Variants in SLC36A2 observed in about 807,000 individuals in gnomAD.
SLC36A2 encodes proton-coupled amino acid transporter 2.
Under a neutral mutation model 42.7 loss-of-function variants are expected in SLC36A2, and 39 were observed. The ratio of observed to expected loss-of-function variants is 0.91; its 90% CI spans 0.71 to 1.19. The LOEUF is 1.19. SLC36A2 is among the 50% of genes most tolerant of loss of function. SLC36A2 has a pLI of 0.00. For missense variants in SLC36A2, 590 were observed against 613.7 expected, an observed-to-expected ratio of 0.96 and a Z score of 0.41; for synonymous variants, 237 against 240.8, an observed-to-expected ratio of 0.98 and a Z score of 0.15.
chr5:151,341,399 CA>C (rs1756341450), intron 4 of SLC36A2, among the ~76,000 whole-genome samples: 1 of 152,138 alleles, frequency 6.6e-6, no homozygotes, highest in African/African-American at 2.4e-5. Flanking sequence ...TGATACCATA[CA>C]GACTACCTGC....
chr5:151,334,252 G>A lies in SLC36A2; in HGVS notation c.745-930C>T, dbSNP rs78209890. ...GGCTGATCTGCAGTTATTCTAAAATGTTTGACTATTATTTTTACTAAATTT... is the reference window on the plus strand; with the variant it reads ...GGCTGATCTGCAGTTATTCTAAAATATTTGACTATTATTTTTACTAAATTT... On this transcript the variant is annotated intron_variant, in intron 6 of 9. Transcript: ENST00000335244. Among the ~76,000 whole-genome samples the A allele has an allele frequency of 2.1e-3, 313 of 152,248 alleles. 1 individual carries two copies. The highest frequency in any genetic ancestry group is 3.3e-3 in the Non-Finnish European group (226 of 68,028).
chr5:151,343,084 G>C (rs1311608918), intron 3 of SLC36A2, 101 bp from the exon 4 acceptor site: 5 of 935,524 alleles, frequency 5.3e-6, no homozygotes, highest in Non-Finnish European at 8.6e-6. Flanking sequence ...CACAGCTAAA[G>C]AGCAGAAAGA....
rs1756431934 is a variant in SLC36A2, at chr5:151,344,278, G to A, written c.165-11C>T. 1.2e-6 allele frequency: 2 copies of A among 1,607,524 alleles called. No homozygotes were observed. The highest frequency in any genetic ancestry group is 1.3e-5 in the African/African-American group (1 of 74,824). On this transcript the variant is annotated splice_polypyrimidine_tract_variant and intron_variant, in intron 1 of 9. Transcript: ENST00000335244. ...AAGGCCTGGAACACTCTAAAGGAGA[G>A]GAAGGAGATGTGAAGTATGGGTGTG...
Position 151,322,026 on chromosome 5 carries a change from G to T in SLC36A2, c.1180+20C>A. On this transcript the variant is annotated intron_variant, in intron 9 of 9. Transcript: ENST00000335244. ...CTCAGAAAAGATCAGCAGGAACACT[G>T]CACTCTCCTTTCTACTCACATGTCA... 6.2e-6 allele frequency: 10 copies of T among 1,613,934 alleles called. No homozygotes were observed. Among genetic ancestry groups the T allele is most frequent in the Non-Finnish European group, 8.5e-6 (10 of 1,179,856 alleles).
chr5:151,335,230 A>T, intron 6 of SLC36A2, 99 bp downstream of exon 6: 1 of 826,566 alleles, frequency 1.2e-6, no homozygotes, highest in Non-Finnish European at 2.0e-6. Flanking sequence ...TAACACTCTT[A>T]CCCACCTACA....
chr5:151,325,571 G>T, intron 7 of SLC36A2, 119 bp from the exon 8 acceptor site: 1 of 1,054,824 alleles, frequency 9.5e-7, no homozygotes, highest in Non-Finnish European at 1.4e-6. Flanking sequence ...AGAGATATTT[G>T]TACACTTATG....
At chr5:151,339,384 G>A (rs939491075) in intron 4 of SLC36A2, among the ~76,000 whole-genome samples, 1 of 150,908 alleles carries the variant, frequency 6.6e-6, no homozygotes, top group Non-Finnish European at 1.5e-5. Flanking sequence ...GTGGGATCTC[G>A]GCTCACCACA....
At chr5:151,326,023 G>A (rs985365312) in intron 7 of SLC36A2, among the ~76,000 whole-genome samples, 11 of 152,096 alleles carry the variant, frequency 7.2e-5, no homozygotes, top group South Asian at 4.1e-4. Flanking sequence ...TATGTTAGGT[G>A]TGCTTCAATT....
Position 151,324,493 on chromosome 5 carries a change from C to T in SLC36A2, c.1010+793G>A, listed in dbSNP as rs192892979. On this transcript the variant is annotated intron_variant, in intron 8 of 9. Transcript: ENST00000335244. ...GATTACAGGCACCCACCACCATGCC[C>T]GGCTAATTTTGTATTATTAGTAGAG... Among the ~76,000 whole-genome samples the T allele has an allele frequency of 2.2e-3, 329 of 152,224 alleles. 1 individual carries two copies. Among genetic ancestry groups the T allele is most frequent in the African/African-American group, 7.4e-3 (307 of 41,528 alleles).
intron 4 of SLC36A2, 136 bp from the exon 5 acceptor site, chr5:151,339,280 A>G (rs934987005): frequency 8.0e-6 from 5 of 621,270 alleles, no homozygotes; most frequent in Admixed American, 2.2e-5. Flanking sequence ...TTCCACCACA[A>G]TCAACAATGG....
Position 151,339,048 on chromosome 5 carries a change from A to G in SLC36A2, c.525+12T>C. 6.3e-7 allele frequency: 1 copy of G among 1,599,684 alleles called. No individual in the cohort carries two copies. Among genetic ancestry groups the G allele is most frequent in the Non-Finnish European group, 8.6e-7 (1 of 1,168,556 alleles). On this transcript the variant is annotated intron_variant, in intron 5 of 9. Transcript: ENST00000335244. ...CATCTTTTCCCCTCCCGTTTTCTCT[A>G]GAAGCCTCTACCTGTTTTAAATTAT...
chr5:151,320,596 A>G (rs1755657751), intron 9 of SLC36A2, among the ~76,000 whole-genome samples: 1 of 152,122 alleles, frequency 6.6e-6, no homozygotes, highest in Admixed American at 6.5e-5. Context: ...CTGGTGGAAT[A>G]CTTGCAGAAA....
At chr5:151,337,522 A>T (rs1388322537) in intron 5 of SLC36A2, among the ~76,000 whole-genome samples, 2 of 152,230 alleles carry the variant, frequency 1.3e-5, no homozygotes, top group Non-Finnish European at 2.9e-5. Flanking sequence ...ATAAATGCAG[A>T]TGATAAATAA....
At chr5:151,340,609 G>A (rs1466173819) in intron 4 of SLC36A2, among the ~76,000 whole-genome samples, 1 of 152,174 alleles carries the variant, frequency 6.6e-6, no homozygotes, top group East Asian at 1.9e-4. Flanking sequence ...GAAACTAGGG[G>A]GAAAGAGGTT....
At chr5:151,341,049 G>A (rs538533316) in intron 4 of SLC36A2, among the ~76,000 whole-genome samples, 2 of 152,212 alleles carry the variant, frequency 1.3e-5, no homozygotes, top group African/African-American at 4.8e-5. Flanking sequence ...TGCAGAATGT[G>A]CACTTTTGTT....
chr5:151,327,884 A>T (rs1755895716), intron 7 of SLC36A2, among the ~76,000 whole-genome samples: 1 of 152,152 alleles, frequency 6.6e-6, no homozygotes. Context: ...CTAGCTGGTG[A>T]TCTAACTGAA....
rs917432132 is a variant in SLC36A2, at chr5:151,342,937, G to A, written c.391C>T (p.Leu131=). 7 of 1,614,036 alleles carry A rather than the reference G, an allele frequency of 4.3e-6. No homozygotes were observed. The Admixed American group carries it at 1.0e-4, about 23-fold the overall frequency. Residue 131 remains leucine, a synonymous_variant, in exon 4 of 10, where the codon CTA becomes TTA. Coordinates refer to ENST00000335244, the MANE Select transcript of SLC36A2 (RefSeq NM_181776.3). ...AGCCAGGCGTTGGGGTTGGCTTCTA[G>A]TCCATGCATCACCGTGTCCCCATAG... ...MDYGDTVMHG[L]EANPNAWLQN...
At chr5:151,340,191 TGGAGGA>T (rs1276868875) in intron 4 of SLC36A2, among the ~76,000 whole-genome samples, 1 of 23,054 alleles carries the variant, frequency 4.3e-5, no homozygotes. Context: ...GAGGAAGAGG[TGGAGGA>T]GGAGGAGAGG....
Position 151,325,460 on chromosome 5 carries a change from A to C in SLC36A2, c.844-8T>G, listed in dbSNP as rs1349833316. On this transcript the variant is annotated splice_polypyrimidine_tract_variant and splice_region_variant and intron_variant, in intron 7 of 9. Coordinates refer to ENST00000335244, the MANE Select transcript of SLC36A2 (RefSeq NM_181776.3). ...GTTTTCCAGAGGCAGAACCTACAGAAACATCACAATGTAAGAAGGAGAAAG... is the reference window on the plus strand; with the variant it reads ...GTTTTCCAGAGGCAGAACCTACAGACACATCACAATGTAAGAAGGAGAAAG... 1 of 1,614,020 alleles carries C rather than the reference A, an allele frequency of 6.2e-7. No individual in the cohort carries two copies. The highest frequency in any genetic ancestry group is 8.5e-7 in the Non-Finnish European group (1 of 1,180,000).
Sources: gnomAD v4.1 joint callset for allele counts (sites outside exome capture counted in the v4.1 genomes callset) on GRCh38, gnomAD v4.1.1 for gene constraint, MANE v1.5 for transcripts, NCBI Gene and HGNC (gene_info 2026-07-23, HGNC 2026-07-21) for gene names.